The following ZFHX3 variants were observed in gnomAD, a reference collection of about 807,000 sequenced individuals.
ZFHX3 encodes zinc finger homeobox 3.
A neutral mutation model predicts 279.1 loss-of-function variants in ZFHX3; 42 were observed. That is an observed-to-expected ratio of 0.15 (90% CI 0.12 to 0.19). The LOEUF (loss-of-function observed/expected upper bound fraction) is 0.19. Ranked by LOEUF, ZFHX3 falls within the 10% of genes least tolerant of loss-of-function variation. The probability of loss-of-function intolerance (pLI) is 1.00; values close to 1 mark genes in which losing one functional copy is unlikely to be tolerated. For synonymous variants in ZFHX3, 2,293 were observed against 1,957.8 expected (o/e 1.17, Z -4.52); for missense variants, 4,981 against 4,754.0 (o/e 1.05, Z -1.40).
At chr16:73,890,164 C>A (rs2030481618) in intron 1 of ZFHX3, among the ~76,000 whole-genome samples, 1 of 150,040 alleles carries the variant, frequency 6.7e-6, no homozygotes, top group Non-Finnish European at 1.5e-5. Flanking sequence ...ATAAATAAAT[C>A]TATGACATCT....
chr16:72,949,869 G>A (rs1349290077), intron 3 of ZFHX3, among the ~76,000 whole-genome samples: 1 of 149,288 alleles, frequency 6.7e-6, no homozygotes, highest in Admixed American at 6.7e-5. Context: ...CCCATCTCCT[G>A]CTAAAAGAAT....
At position 73,771,319 on chromosome 16, in the gene ZFHX3, T is replaced by G. The variant is rs552057383; in HGVS notation, c.-1607-91079A>C. 6.6e-5 allele frequency among the ~76,000 whole-genome samples: 10 copies of G among 152,216 alleles called. No individual in the cohort carries two copies. The East Asian group carries it at 1.7e-3, about 27-fold the overall frequency. ...CATCTTCCCCTTAAGCAGGAGATCC[T>G]GGTGATGGCGCCCCAACAGCTGGCA... is the stretch of plus-strand genomic sequence containing the variant. On this transcript the variant is annotated intron_variant, in intron 1 of 17. Transcript: ENST00000641206.
chr16:72,998,782 C>CCAAATAT (rs1377327462), intron 1 of ZFHX3, among the ~76,000 whole-genome samples: 1 of 152,194 alleles, frequency 6.6e-6, no homozygotes, highest in Non-Finnish European at 1.5e-5. Context: ...ACGGCATTAA[C>CCAAATAT]AATTATATTT....
rs568628952 is a variant in ZFHX3, at chr16:72,785,233, T to C, written c.*1931A>G. The C allele has an allele frequency of 1.3e-5, 2 of 152,786 alleles. No individual in the cohort carries two copies. The highest frequency in any genetic ancestry group is 2.9e-5 in the Non-Finnish European group (2 of 68,038). 9.5% of individuals were successfully genotyped at this position (152,786 alleles called of 1,614,324 possible). A position where few individuals can be genotyped will look rare whatever the true frequency, so the allele number is the denominator to read the frequency against. ...TTCAAAGTTCAGACCATTTATTTATTTTTCTTTTTACATGAGAAAGGGTGT... is the reference window on the plus strand; with the variant it reads ...TTCAAAGTTCAGACCATTTATTTATCTTTCTTTTTACATGAGAAAGGGTGT... On this transcript the variant is annotated 3_prime_UTR_variant, in exon 10 of 10. Coordinates refer to ENST00000268489, the MANE Select transcript of ZFHX3 (RefSeq NM_006885.4).
intron 5 of ZFHX3, chr16:72,822,129 G>A (rs1281206823): frequency 6.6e-6 from 1 of 152,192 alleles, no homozygotes; most frequent in Non-Finnish European, 1.5e-5. Context: ...AGGTACTTAT[G>A]TCATGCTATT....
chr16:73,878,094 A>T (rs59588013), intron 1 of ZFHX3, among the ~76,000 whole-genome samples: 6,622 of 152,082 alleles, frequency 0.044, 504 homozygotes, highest in African/African-American at 0.15. Context: ...ACCCTCATTT[A>T]ATACTAAGCA....
At chr16:73,750,656 G>C (rs1008141726) in intron 1 of ZFHX3, among the ~76,000 whole-genome samples, 1 of 152,098 alleles carries the variant, frequency 6.6e-6, no homozygotes, top group Admixed American at 6.5e-5. Context: ...AAGCCATGAG[G>C]AGGTAAGGCG....
intron 1 of ZFHX3, among the ~76,000 whole-genome samples, chr16:73,796,805 A>T (rs995644316): frequency 6.6e-6 from 1 of 152,200 alleles, no homozygotes; most frequent in Non-Finnish European, 1.5e-5. Flanking sequence ...CAGCTTGTTC[A>T]TGAAATCCTG....
At chr16:72,856,004 A>G (rs911767729) in intron 4 of ZFHX3, among the ~76,000 whole-genome samples, 1 of 152,256 alleles carries the variant, frequency 6.6e-6, no homozygotes, top group Non-Finnish European at 1.5e-5. Context: ...TTTCATTAAC[A>G]AAAGGCGCTT....
rs374215697 is a variant in ZFHX3 at position 73,758,767 on chromosome 16, A to G, written c.-1607-78527T>C. Among the ~76,000 whole-genome samples the G allele has an allele frequency of 3.9e-5, 6 of 152,222 alleles. No homozygotes were observed. The East Asian group carries it at 9.7e-4, about 25-fold the overall frequency. ...CCTTTGCTTGTCCATAGCACTACCT[A>G]CAATTTGGAATTATTTATGCATTTG... On this transcript the variant is annotated intron_variant, in intron 1 of 17. Coordinates refer to the ZFHX3 transcript ENST00000641206.
At chr16:73,144,735 C>G (rs2083253345) in intron 5 of ZFHX3, among the ~76,000 whole-genome samples, 1 of 152,184 alleles carries the variant, frequency 6.6e-6, no homozygotes, top group African/African-American at 2.4e-5. Flanking sequence ...CCTACCCGCC[C>G]CTCCCCGCAA....
intron 1 of ZFHX3, among the ~76,000 whole-genome samples, chr16:73,734,243 C>A (rs1330306543): frequency 6.6e-6 from 1 of 152,152 alleles, no homozygotes. Context: ...TATCACCAGT[C>A]CATGGCCCAG....
intron 5 of ZFHX3, among the ~76,000 whole-genome samples, chr16:73,222,948 GA>G (rs2012469517): frequency 6.6e-6 from 1 of 152,098 alleles, no homozygotes; most frequent in African/African-American, 2.4e-5. Flanking sequence ...GAAAAAGAAG[GA>G]AAGGACATGT....
At chr16:73,363,869 T>C (rs550222287) in intron 3 of ZFHX3, among the ~76,000 whole-genome samples, 1 of 152,294 alleles carries the variant, frequency 6.6e-6, no homozygotes, top group South Asian at 2.1e-4. Context: ...TAATTTCATG[T>C]TAGAACTGTA....
chr16:73,579,112 G>A (rs533288356), intron 2 of ZFHX3, among the ~76,000 whole-genome samples: 37 of 152,172 alleles, frequency 2.4e-4, no homozygotes, highest in Non-Finnish European at 4.0e-4. Context: ...TAAAACCTTA[G>A]TCTCCACAAC....
chr16:73,333,367 A>C (rs1459627281), intron 3 of ZFHX3, among the ~76,000 whole-genome samples: 1 of 152,230 alleles, frequency 6.6e-6, no homozygotes, highest in Non-Finnish European at 1.5e-5. Flanking sequence ...ACATAGACAC[A>C]TAATAGACAG....
At chr16:73,341,233 G>A (rs918911346) in intron 3 of ZFHX3, among the ~76,000 whole-genome samples, 2 of 151,994 alleles carry the variant, frequency 1.3e-5, no homozygotes. Flanking sequence ...CCCAGCTACT[G>A]AGGAGGCTGA....
At chr16:73,518,436 A>G (rs939593542) in intron 2 of ZFHX3, among the ~76,000 whole-genome samples, 7 of 152,300 alleles carry the variant, frequency 4.6e-5, no homozygotes, top group Non-Finnish European at 8.8e-5. Context: ...CTGGGAAGTC[A>G]CCTTATCCAC....
intron 2 of ZFHX3, among the ~76,000 whole-genome samples, chr16:73,607,483 C>T (rs2052202290): frequency 6.6e-6 from 1 of 152,158 alleles, no homozygotes; most frequent in Non-Finnish European, 1.5e-5. Flanking sequence ...CAGCACTATT[C>T]ACAATAGCAA....
Sources: gnomAD v4.1 joint callset for allele counts (sites outside exome capture counted in the v4.1 genomes callset) on GRCh38, gnomAD v4.1.1 for gene constraint, MANE v1.5 for transcripts, NCBI Gene and HGNC (gene_info 2026-07-23, HGNC 2026-07-21) for gene names.